The following ANO6 variants were observed in gnomAD, a reference collection of about 807,000 sequenced individuals.
The protein encoded by ANO6 is anoctamin-6.
Under a neutral mutation model 117.5 loss-of-function variants are expected in ANO6, and 106 were observed. The observed-to-expected ratio is 0.90, with a 90% CI of 0.77 to 1.06. The LOEUF (loss-of-function observed/expected upper bound fraction) is 1.06. ANO6 is among the 50% of genes least tolerant of loss of function. The probability of loss-of-function intolerance (pLI) is 0.00; values close to 1 mark genes in which losing one functional copy is unlikely to be tolerated. For missense variants in ANO6, 955 were observed against 1,121.1 expected, an observed-to-expected ratio of 0.85 and a Z score of 2.12; for synonymous variants, 367 against 385.1, an observed-to-expected ratio of 0.95 and a Z score of 0.55.
chr12:45,326,792 T>C (rs74083322), intron 2 of ANO6, among the ~76,000 whole-genome samples: 1,632 of 152,316 alleles, frequency 0.011, 29 homozygotes, highest in African/African-American at 0.037. Flanking sequence ...TTCAGCCACC[T>C]GTTCAAATGG....
At chr12:45,369,623 G>GA (rs373646690) in intron 9 of ANO6, among the ~76,000 whole-genome samples, 2,037 of 148,160 alleles carry the variant, frequency 0.014, 38 homozygotes, top group African/African-American at 0.048. Flanking sequence ...GGACTAAATG[G>GA]AAAAAAAAAA....
chr12:45,436,029 T>C (rs76174266), downstream of ANO6, among the ~76,000 whole-genome samples: 2,457 of 152,244 alleles, frequency 0.016, 61 homozygotes, highest in East Asian at 0.1. Context: ...GTCAGACTTG[T>C]AGGAGGTCAG....
At chr12:45,314,716 C>T (rs1939964733) in intron 2 of ANO6, among the ~76,000 whole-genome samples, 1 of 151,910 alleles carries the variant, frequency 6.6e-6, no homozygotes, top group African/African-American at 2.4e-5. Context: ...TTTTGACTGA[C>T]GTCTGGAGAA....
chr12:45,328,456 C>T (rs1006066227), intron 2 of ANO6, among the ~76,000 whole-genome samples: 1 of 152,110 alleles, frequency 6.6e-6, no homozygotes. Context: ...TCTTCTATCT[C>T]TGCAATATTT....
At chr12:45,368,333 A>G (rs1941736384) in intron 9 of ANO6, among the ~76,000 whole-genome samples, 1 of 152,216 alleles carries the variant, frequency 6.6e-6, no homozygotes, top group African/African-American at 2.4e-5. Context: ...CCTTAATTCA[A>G]TTAAGTGGAA....
At chr12:45,387,233 A>G (rs1942322640) in intron 10 of ANO6, among the ~76,000 whole-genome samples, 1 of 152,206 alleles carries the variant, frequency 6.6e-6, no homozygotes, top group Non-Finnish European at 1.5e-5. Flanking sequence ...TTTTCAATTA[A>G]CATTTAATGT....
chr12:45,295,576 C>T (rs1047326953), intron 1 of ANO6, among the ~76,000 whole-genome samples: 1 of 152,070 alleles, frequency 6.6e-6, no homozygotes, highest in Non-Finnish European at 1.5e-5. Context: ...GTTTTTGAGA[C>T]AGAGTCTTAC....
At chr12:45,439,436 A>G (rs1049277706) in intron 19 of ANO6, among the ~76,000 whole-genome samples, 1 of 152,172 alleles carries the variant, frequency 6.6e-6, no homozygotes, top group African/African-American at 2.4e-5. Context: ...AGACAAACCT[A>G]AGCAGGAGGC....
Position 45,334,119 on chromosome 12 carries a change from A to C in ANO6, c.279+2696A>C, listed in dbSNP as rs1429931900. Among the ~76,000 whole-genome samples the C allele has an allele frequency of 2.6e-5, 4 of 152,200 alleles. No homozygotes were observed. In the East Asian group the frequency reaches 7.7e-4, roughly 29 times the overall value. On this transcript the variant is annotated intron_variant, in intron 3 of 19. Transcript: ENST00000320560. ...TTGGGCCACTCATATGACCAAAAAC[A>C]CTTAAGAAACATACCTTCCTTTAAA...
At position 45,403,077 on chromosome 12, in the gene ANO6, C is replaced by T. The variant is rs749874080; in HGVS notation, c.1618C>T (p.Pro540Ser). Residue 540 changes from proline to serine, a missense_variant, in exon 14 of 20, where the codon CCA becomes TCA. Pro to Ser is a moderately conservative substitution (Grantham distance 74, BLOSUM62 -1). Coordinates refer to ENST00000320560, the MANE Select transcript of ANO6 (RefSeq NM_001025356.3). ...VAIMITNFEL[P>S]RTQTDYENSL... ...TCTCTTTCTTTTAACTACAGAACTC[C>T]CAAGGACCCAGACTGATTATGAGAA... 3 of 1,613,806 alleles carry T rather than the reference C, an allele frequency of 1.9e-6. No homozygotes were observed. In the Admixed American group the frequency reaches 5.0e-5, roughly 27 times the overall value.
intron 2 of ANO6, among the ~76,000 whole-genome samples, chr12:45,329,874 T>C (rs1470699145): frequency 1.3e-5 from 2 of 152,114 alleles, no homozygotes; most frequent in African/African-American, 4.8e-5. Context: ...ACTCTGTGGC[T>C]GAAATGAAAA....
At chr12:45,293,741 T>TG (rs2137284528) in intron 1 of ANO6, among the ~76,000 whole-genome samples, 1 of 137,580 alleles carries the variant, frequency 7.3e-6, no homozygotes, top group South Asian at 2.3e-4. Context: ...TTTTTTTTTT[T>TG]TTTTTTTTTT....
chr12:45,306,023 C>CA (rs1939658099), intron 2 of ANO6, among the ~76,000 whole-genome samples: 1 of 152,142 alleles, frequency 6.6e-6, no homozygotes, highest in Non-Finnish European at 1.5e-5. Flanking sequence ...CCTGAGTACA[C>CA]ATGAGCTGAG....
chr12:45,381,688 C>G (rs1212350325), intron 10 of ANO6, among the ~76,000 whole-genome samples: 1 of 152,192 alleles, frequency 6.6e-6, no homozygotes, highest in Non-Finnish European at 1.5e-5. Flanking sequence ...TAACACCAGA[C>G]TATGTCTTGC....
intron 19 of ANO6, among the ~76,000 whole-genome samples, chr12:45,424,284 G>A (rs1375260492): frequency 1.3e-5 from 2 of 149,318 alleles, no homozygotes; most frequent in African/African-American, 2.5e-5. Context: ...GAGCCCACTG[G>A]AAGGGAAGAG....
At chr12:45,385,512 A>G (rs1437349202) in intron 10 of ANO6, among the ~76,000 whole-genome samples, 1 of 152,128 alleles carries the variant, frequency 6.6e-6, no homozygotes, top group East Asian at 1.9e-4. Flanking sequence ...ATGCTGCTTC[A>G]TATGCAGCCT....
intron 1 of ANO6, among the ~76,000 whole-genome samples, chr12:45,242,785 G>A (rs1947766257): frequency 6.6e-6 from 1 of 152,258 alleles, no homozygotes; most frequent in East Asian, 1.9e-4. Context: ...TCCCCTCTGA[G>A]TGGTTTTTTC....
downstream of ANO6, among the ~76,000 whole-genome samples, chr12:45,433,560 A>G (rs1189226149): frequency 1.3e-5 from 2 of 152,192 alleles, no homozygotes; most frequent in Non-Finnish European, 2.9e-5. Flanking sequence ...TTTGCCATTG[A>G]TAAGCAATGG....
intron 1 of ANO6, among the ~76,000 whole-genome samples, chr12:45,293,736 T>TG (rs2137284397): frequency 7.8e-6 from 1 of 128,036 alleles, no homozygotes; most frequent in South Asian, 2.9e-4. Context: ...AATGTTTTTT[T>TG]TTTTTTTTTT....
Sources: gnomAD v4.1 joint callset for allele counts (sites outside exome capture counted in the v4.1 genomes callset) on GRCh38, gnomAD v4.1.1 for gene constraint, MANE v1.5 for transcripts, NCBI Gene and HGNC (gene_info 2026-07-23, HGNC 2026-07-21) for gene names.